The following NSD3 variants were observed in gnomAD, a reference collection of about 807,000 sequenced individuals.
The protein encoded by NSD3 is nuclear receptor binding SET domain protein 3.
In NSD3, 24 loss-of-function variants were observed where a neutral mutation model predicts 160.8. The ratio of observed to expected loss-of-function variants is 0.15; its 90% CI spans 0.11 to 0.21. The LOEUF (loss-of-function observed/expected upper bound fraction) is 0.21. Among genes scored for constraint, NSD3 ranks in the 10% least tolerant of loss-of-function variants. The pLI, the probability that NSD3 is intolerant of heterozygous loss-of-function variation, is 1.00. For synonymous variants in NSD3, 520 were observed against 600.0 expected (o/e 0.87, Z 1.95); for missense variants, 1,157 against 1,735.9 (o/e 0.67, Z 5.93).
intron 21 of NSD3, 45 bp downstream of exon 21, chr8:38,279,495 T>G: frequency 6.2e-7 from 1 of 1,606,170 alleles, no homozygotes; most frequent in Non-Finnish European, 8.5e-7. Context: ...TAGGATATTC[T>G]TTCTTCCTAG....
In NSD3 at chr8:38,278,390, A is replaced by G. The variant is rs1808662220; in HGVS notation, c.3783T>C (p.Tyr1261=). The change falls in exon 22 of 24, where the codon TAT becomes TAC. Residue 1261 remains tyrosine, a synonymous_variant. Coordinates refer to ENST00000317025, the MANE Select transcript of NSD3 (RefSeq NM_023034.2). The part of the protein sequence containing the change: ...IPAGMELTFN[Y]NLDCLGNGRT... ...TGCCGTTGCCCAGACAATCTAGGTTATAATTAAATGTTAACTCCATCCCTG... is the reference window on the plus strand; with the variant it reads ...TGCCGTTGCCCAGACAATCTAGGTTGTAATTAAATGTTAACTCCATCCCTG... The G allele has an allele frequency of 6.2e-7, 1 of 1,613,638 alleles. No homozygotes were observed. Among genetic ancestry groups the G allele is most frequent in the Admixed American group, 1.7e-5 (1 of 59,960 alleles).
intron 12 of NSD3, among the ~76,000 whole-genome samples, chr8:38,310,665 G>C (rs1809512875): frequency 6.6e-6 from 1 of 151,248 alleles, no homozygotes; most frequent in Non-Finnish European, 1.5e-5. Flanking sequence ...ACGCCACCAT[G>C]CCAGGCTAAC....
rs544240473 is a variant in NSD3, at chr8:38,289,917, T to G, written c.3119-412A>C. ...CTGTTGCAAAGGAACTTCACTTGAT[T>G]AAAAAGACTATTCTCAGGCTGGGCT... On this transcript the variant is annotated intron_variant, in intron 17 of 23. Coordinates refer to ENST00000317025, the MANE Select transcript of NSD3 (RefSeq NM_023034.2). Among the ~76,000 whole-genome samples the G allele has an allele frequency of 2.6e-5, 4 of 152,298 alleles. No homozygotes were observed. In the East Asian group the frequency reaches 7.7e-4, roughly 29 times the overall value.
chr8:38,306,907 G>A (rs1809410456), intron 12 of NSD3, among the ~76,000 whole-genome samples: 1 of 152,074 alleles, frequency 6.6e-6, no homozygotes, highest in South Asian at 2.1e-4. Flanking sequence ...AAGGTCAGGA[G>A]ATCAAGACTG....
chr8:38,277,398 T>C (rs913874217), intron 22 of NSD3, among the ~76,000 whole-genome samples: 6 of 152,148 alleles, frequency 3.9e-5, no homozygotes, highest in African/African-American at 1.4e-4. Flanking sequence ...CTGCCTCAGC[T>C]TCCTGAGTAG....
intron 20 of NSD3, 39 bp downstream of exon 20, chr8:38,281,424 AAAAC>A (rs751032175): frequency 3.5e-6 from 4 of 1,129,504 alleles, no homozygotes; most frequent in South Asian, 4.0e-5. Context: ...AACAAAAACA[AAAAC>A]AAATCCCTTT....
In NSD3 at chr8:38,270,132, A is replaced by G. The variant is rs1039182274; in HGVS notation, c.*5509T>C. The G allele has an allele frequency of 6.6e-6, 1 of 152,254 alleles. No homozygotes were observed. The highest frequency in any genetic ancestry group is 2.4e-5 in the African/African-American group (1 of 41,464). The allele number at this position is 152,254 out of a possible 1,614,324, so 9.4% of individuals were successfully genotyped here. A position where few individuals can be genotyped will look rare whatever the true frequency, so the allele number is the denominator to read the frequency against. On this transcript the variant is annotated 3_prime_UTR_variant, in exon 24 of 24. Transcript: ENST00000317025. ...AACACCCCCAGGGAAAATTAACACTAATCCCTTAGTGTCAAGAGCTTCTAG... is the reference window on the plus strand; with the variant it reads ...AACACCCCCAGGGAAAATTAACACTGATCCCTTAGTGTCAAGAGCTTCTAG...
intron 1 of NSD3, among the ~76,000 whole-genome samples, chr8:38,361,171 A>G (rs569687104): frequency 3.9e-5 from 6 of 151,910 alleles, no homozygotes; most frequent in African/African-American, 1.4e-4. Context: ...TTTTTGTATT[A>G]TTAGTAGAGA....
At chr8:38,306,891 G>C (rs1233200916) in intron 12 of NSD3, among the ~76,000 whole-genome samples, 2 of 152,034 alleles carry the variant, frequency 1.3e-5, no homozygotes, top group Admixed American at 6.6e-5. Flanking sequence ...AAGGCGGGTG[G>C]ATCACAAGGT....
intron 1 of NSD3, among the ~76,000 whole-genome samples, chr8:38,360,996 A>C (rs1810946830): frequency 1.3e-5 from 2 of 152,226 alleles, no homozygotes; most frequent in Admixed American, 6.5e-5. Context: ...CAAAAGCATA[A>C]GAAGGACCAC....
intron 1 of NSD3, among the ~76,000 whole-genome samples, chr8:38,363,498 T>C (rs1351702440): frequency 6.6e-6 from 1 of 151,842 alleles, no homozygotes; most frequent in African/African-American, 2.4e-5. Context: ...AAAAACTAGC[T>C]GGGCATGGTG....
intron 3 of NSD3, among the ~76,000 whole-genome samples, chr8:38,337,736 A>G (rs1210247077): frequency 6.6e-6 from 1 of 152,130 alleles, no homozygotes; most frequent in Non-Finnish European, 1.5e-5. Context: ...TATAAAGTAC[A>G]TTAAAAATGC....
intron 16 of NSD3, among the ~76,000 whole-genome samples, chr8:38,295,017 G>A (rs1207996129): frequency 6.0e-5 from 9 of 149,940 alleles, no homozygotes; most frequent in East Asian, 6.0e-4. Flanking sequence ...GGTAGCGGGC[G>A]CCTGTAGTCC....
chr8:38,371,007 A>G (rs891853276), intron 1 of NSD3, among the ~76,000 whole-genome samples: 11 of 152,076 alleles, frequency 7.2e-5, no homozygotes, highest in African/African-American at 2.7e-4. Flanking sequence ...CAAACTGCCT[A>G]AAAGACCTTC....
At chr8:38,279,803 TC>T (rs1345463894) in intron 20 of NSD3, 122 bp from the exon 21 acceptor site, 9 of 1,086,336 alleles carry the variant, frequency 8.3e-6, no homozygotes, top group Non-Finnish European at 1.2e-5. Flanking sequence ...AACTGACAGA[TC>T]AGGAAATGTG....
chr8:38,279,964 C>T, intron 20 of NSD3: 1 of 294,176 alleles, frequency 3.4e-6, no homozygotes, highest in Admixed American at 4.7e-5. Flanking sequence ...GATTAGTGGG[C>T]CAGAGGTTTA....
At chr8:38,299,321 CA>C in intron 15 of NSD3, 122 bp downstream of exon 15, 1 of 1,024,608 alleles carries the variant, frequency 9.8e-7, no homozygotes, top group Non-Finnish European at 1.3e-6. Context: ...TCACAACCAC[CA>C]AGGCAGAATT....
chr8:38,354,500 A>G (rs780444190), intron 1 of NSD3, among the ~76,000 whole-genome samples: 7 of 152,238 alleles, frequency 4.6e-5, no homozygotes, highest in Non-Finnish European at 1.0e-4. Flanking sequence ...TGATAATGCT[A>G]TTCTGTTTAT....
chr8:38,296,779 C>T (rs1420452232), intron 15 of NSD3, among the ~76,000 whole-genome samples: 2 of 151,454 alleles, frequency 1.3e-5, no homozygotes, highest in African/African-American at 4.9e-5. Flanking sequence ...CGGGCTCTAT[C>T]TTGCCCAGGC....
Sources: allele counts gnomAD v4.1 joint callset (sites outside exome capture counted in the v4.1 genomes callset), GRCh38; gene constraint gnomAD v4.1.1; transcripts MANE v1.5; gene names NCBI Gene and HGNC (gene_info 2026-07-23, HGNC 2026-07-21).